The following GALNT17 variants were observed in gnomAD, a reference collection of about 807,000 sequenced individuals.
GALNT17 encodes the protein UDP-GalNAc:polypeptide N-acetylgalactosaminyltransferase-like 3.
GALNT17 carries 29 observed loss-of-function variants against 63.7 expected under a neutral mutation model. The ratio of observed to expected loss-of-function variants is 0.46; its 90% CI spans 0.34 to 0.62. The LOEUF (loss-of-function observed/expected upper bound fraction) is 0.62. GALNT17 is among the 20% of genes least tolerant of loss of function. The pLI, the probability that GALNT17 is intolerant of heterozygous loss-of-function variation, is 0.01. For synonymous variants in GALNT17, 305 were observed against 318.3 expected (o/e 0.96, Z 0.45); for missense variants, 603 against 799.6 (o/e 0.75, Z 2.97).
intron 1 of GALNT17, among the ~76,000 whole-genome samples, chr7:71,281,396 A>G (rs921075673): frequency 6.6e-6 from 1 of 152,146 alleles, no homozygotes; most frequent in Non-Finnish European, 1.5e-5. Context: ...TTTAATTTCA[A>G]CTCATGTGCA....
chr7:71,296,858 T>A (rs6942815), intron 1 of GALNT17, among the ~76,000 whole-genome samples: 28,148 of 152,102 alleles, frequency 0.19, 2,834 homozygotes, highest in East Asian at 0.33. Flanking sequence ...AATTTATATA[T>A]ATAATTTTTT....
chr7:71,293,334 T>G (rs4719106), intron 1 of GALNT17, among the ~76,000 whole-genome samples: 55,997 of 151,930 alleles, frequency 0.37, 10,610 homozygotes, highest in East Asian at 0.51. Flanking sequence ...GTGTACAGGG[T>G]TTCCCTTTAC....
At chr7:71,355,831 C>A (rs1469167388) in intron 2 of GALNT17, among the ~76,000 whole-genome samples, 2 of 151,990 alleles carry the variant, frequency 1.3e-5, no homozygotes, top group East Asian at 3.9e-4. Flanking sequence ...CCATGCCCAG[C>A]AGATTCTATT....
chr7:71,463,507 A>G (rs1165936171), intron 5 of GALNT17, among the ~76,000 whole-genome samples: 1 of 152,186 alleles, frequency 6.6e-6, no homozygotes, highest in Admixed American at 6.5e-5. Flanking sequence ...AGGTGAGTCC[A>G]TAGGGTGAAG....
intron 1 of GALNT17, among the ~76,000 whole-genome samples, chr7:71,293,094 T>C (rs936715141): frequency 2.6e-5 from 4 of 152,318 alleles, no homozygotes; most frequent in East Asian, 1.9e-4. Flanking sequence ...CCTGTTTTCT[T>C]TATCAATACA....
At chr7:71,632,479 C>T (rs752669957) in intron 6 of GALNT17, among the ~76,000 whole-genome samples, 1 of 152,126 alleles carries the variant, frequency 6.6e-6, no homozygotes, top group African/African-American at 2.4e-5. Flanking sequence ...CATGAGGGGC[C>T]CTGTTCTGAC....
chr7:71,677,201 A>C lies in GALNT17; in HGVS notation c.1405-10A>C, dbSNP rs139073958. On this transcript the variant is annotated splice_polypyrimidine_tract_variant and intron_variant, in intron 8 of 10. Transcript: ENST00000333538. Reference sequence around the variant, plus strand: ...AGCTCTCATGGGTCGTGTTTTGTCTATTCTTGCAGCTTCGCAACAACAAGG... The same window carrying C: ...AGCTCTCATGGGTCGTGTTTTGTCTCTTCTTGCAGCTTCGCAACAACAAGG... The C allele has an allele frequency of 2.0e-4, 326 of 1,613,790 alleles. 1 individual carries two copies. The African/African-American group carries it at 3.7e-3, about 18-fold the overall frequency.
At chr7:71,419,366 A>T (rs887446077) in intron 4 of GALNT17, among the ~76,000 whole-genome samples, 1 of 152,174 alleles carries the variant, frequency 6.6e-6, no homozygotes, top group Non-Finnish European at 1.5e-5. Flanking sequence ...AATGCTGATC[A>T]TTGTATCTAC....
chr7:71,550,557 A>G (rs1258788394), intron 5 of GALNT17, among the ~76,000 whole-genome samples: 1 of 151,786 alleles, frequency 6.6e-6, no homozygotes. Context: ...ATTTTTTTGT[A>G]TTTAATAGAG....
intron 1 of GALNT17, among the ~76,000 whole-genome samples, chr7:71,194,136 C>A (rs1789003263): frequency 6.6e-6 from 1 of 152,092 alleles, no homozygotes; most frequent in South Asian, 2.1e-4. Flanking sequence ...GCCTTGACCT[C>A]CTGGGCTCAA....
rs1423065019 is a variant in GALNT17, at chr7:71,485,807, G to T, written c.962+64702G>T. 2.6e-5 allele frequency among the ~76,000 whole-genome samples: 4 copies of T among 152,300 alleles called. No individual in the cohort carries two copies. The East Asian group carries it at 7.7e-4, about 29-fold the overall frequency. On this transcript the variant is annotated intron_variant, in intron 5 of 10. Transcript: ENST00000333538. The stretch of plus-strand genomic sequence containing the variant: ...GTAATCCATCCTCTGAAATCCATCA[G>T]TCTGAAAAGGCTGGATGAATATTTT...
At chr7:71,701,185 T>G (rs779800974) in intron 9 of GALNT17, among the ~76,000 whole-genome samples, 1 of 152,038 alleles carries the variant, frequency 6.6e-6, no homozygotes, top group Non-Finnish European at 1.5e-5. Flanking sequence ...AGGGAAAGTC[T>G]CAGAAAGAAT....
At chr7:71,596,226 G>A (rs1789883592) in intron 6 of GALNT17, among the ~76,000 whole-genome samples, 1 of 152,090 alleles carries the variant, frequency 6.6e-6, no homozygotes, top group Non-Finnish European at 1.5e-5. Flanking sequence ...TTTTAGTAGA[G>A]ACGGGGTTTC....
At chr7:71,484,507 T>A (rs1342828968) in intron 5 of GALNT17, among the ~76,000 whole-genome samples, 2 of 152,126 alleles carry the variant, frequency 1.3e-5, no homozygotes, top group Non-Finnish European at 2.9e-5. Context: ...TAGTATGTAT[T>A]GGACATAATT....
At chr7:71,602,487 G>A (rs1040936678) in intron 6 of GALNT17, among the ~76,000 whole-genome samples, 4 of 152,292 alleles carry the variant, frequency 2.6e-5, no homozygotes, top group East Asian at 1.9e-4. Flanking sequence ...GTAATGTGGC[G>A]TAATTGGAGC....
chr7:71,238,286 G>T (rs1789931713), intron 1 of GALNT17, among the ~76,000 whole-genome samples: 1 of 152,206 alleles, frequency 6.6e-6, no homozygotes, highest in Admixed American at 6.5e-5. Context: ...AGGGTGGGAG[G>T]CAGGGAAGGT....
At position 71,486,361 on chromosome 7, in the gene GALNT17, T is replaced by C. The variant is rs1332953178; in HGVS notation, c.962+65256T>C. 2.9e-5 allele frequency among the ~76,000 whole-genome samples: 4 copies of C among 135,892 alleles called. No individual in the cohort carries two copies. In the East Asian group the frequency reaches 6.0e-4, roughly 20 times the overall value. The allele number at this position is 135,892 out of a possible 152,430, so 89.2% of individuals were successfully genotyped here. ...ATAATAATAATAATAATAATAATAA[T>C]AATAATAATAATAATAATAATAATA... On this transcript the variant is annotated intron_variant, in intron 5 of 10. Coordinates refer to ENST00000333538, the MANE Select transcript of GALNT17 (RefSeq NM_022479.3).
At chr7:71,395,775 A>T (rs977108040) in intron 3 of GALNT17, among the ~76,000 whole-genome samples, 4 of 152,158 alleles carry the variant, frequency 2.6e-5, no homozygotes, top group African/African-American at 7.2e-5. Flanking sequence ...TTACTTTTTT[A>T]AAATTATGGC....
chr7:71,256,599 CA>C (rs1234495345), intron 1 of GALNT17, among the ~76,000 whole-genome samples: 1 of 150,398 alleles, frequency 6.6e-6, no homozygotes, highest in Non-Finnish European at 1.5e-5. Context: ...AAACCAAAAA[CA>C]AAAAAACAAA....
Sources: gnomAD v4.1 joint callset for allele counts (sites outside exome capture counted in the v4.1 genomes callset) on GRCh38, gnomAD v4.1.1 for gene constraint, MANE v1.5 for transcripts, NCBI Gene and HGNC (gene_info 2026-07-23, HGNC 2026-07-21) for gene names.